The following EVA1A variants were observed in gnomAD, a reference collection of about 807,000 sequenced individuals.
The protein encoded by EVA1A is protein eva-1 homolog A.
EVA1A carries 7 observed loss-of-function variants against 9.8 expected under a neutral mutation model. The ratio of observed to expected loss-of-function variants is 0.71; its 90% confidence interval spans 0.41 to 1.34. The LOEUF (loss-of-function observed/expected upper bound fraction) is 1.34. EVA1A is among the 40% of genes most tolerant of loss of function. The pLI is 0.01. For synonymous variants in EVA1A, 90 were observed against 85.6 expected (o/e 1.05, Z -0.28); for missense variants, 206 against 205.9 (o/e 1.00, Z 0.00).
chr2:75,563,444 A>G (rs549389974), upstream of EVA1A, among the ~76,000 whole-genome samples: 5 of 152,222 alleles, frequency 3.3e-5, no homozygotes, highest in East Asian at 7.7e-4. Flanking sequence ...TTGGAAAGGA[A>G]CCCCTCAAAG....
chr2:75,560,170 T>C (rs1158360663), intron 1 of EVA1A, among the ~76,000 whole-genome samples: 1 of 152,014 alleles, frequency 6.6e-6, no homozygotes, highest in Non-Finnish European at 1.5e-5. Flanking sequence ...TTTCACTCCC[T>C]GATGCACTCG....
upstream of EVA1A, among the ~76,000 whole-genome samples, chr2:75,561,561 G>C (rs566699903): frequency 1.3e-5 from 2 of 152,140 alleles, no homozygotes; most frequent in African/African-American, 4.8e-5. Flanking sequence ...CTGGGGGCTG[G>C]AAACGCAGAA....
chr2:75,540,337 A>T (rs1007364983), intron 1 of EVA1A, among the ~76,000 whole-genome samples: 1 of 152,256 alleles, frequency 6.6e-6, no homozygotes, highest in Non-Finnish European at 1.5e-5. Flanking sequence ...ATCATTTCCT[A>T]TCTGAATAGA....
At chr2:75,535,496 T>C (rs1675849230) in intron 1 of EVA1A, among the ~76,000 whole-genome samples, 1 of 152,204 alleles carries the variant, frequency 6.6e-6, no homozygotes, top group African/African-American at 2.4e-5. Flanking sequence ...CACATATGTT[T>C]ACTGCAGCAC....
At chr2:75,502,989 C>T (rs887715164) in intron 3 of EVA1A, among the ~76,000 whole-genome samples, 4 of 152,224 alleles carry the variant, frequency 2.6e-5, no homozygotes, top group African/African-American at 9.6e-5. Flanking sequence ...TGAACTCCAT[C>T]TTGGAAACCA....
intron 1 of EVA1A, among the ~76,000 whole-genome samples, chr2:75,523,345 T>C (rs1350519084): frequency 6.6e-6 from 1 of 152,190 alleles, no homozygotes; most frequent in Non-Finnish European, 1.5e-5. Context: ...AGTGCAGAAG[T>C]AGGTCTTTGA....
intron 1 of EVA1A, among the ~76,000 whole-genome samples, chr2:75,540,047 T>G (rs546770400): frequency 6.6e-6 from 1 of 152,314 alleles, no homozygotes; most frequent in South Asian, 2.1e-4. Context: ...GTTTCCTCTT[T>G]TCACTACCTT....
In EVA1A at chr2:75,538,404, G is replaced by C. The variant is rs548103208; in HGVS notation, c.-191-15917C>G. ...CCATATACTAAGAGTGAACACTAAAGTTAAAAAATACAACACCATTTACTG... is the reference window on the plus strand; with the variant it reads ...CCATATACTAAGAGTGAACACTAAACTTAAAAAATACAACACCATTTACTG... On this transcript the variant is annotated intron_variant, in intron 1 of 3. Transcript: ENST00000393913. Among the ~76,000 whole-genome samples the C allele has an allele frequency of 5.3e-5, 8 of 152,296 alleles. No homozygotes were observed. The South Asian group carries it at 1.2e-3, about 24-fold the overall frequency.
chr2:75,494,227 C>G (rs1483560110), intron 3 of EVA1A, among the ~76,000 whole-genome samples: 1 of 152,058 alleles, frequency 6.6e-6, no homozygotes, highest in African/African-American at 2.4e-5. Context: ...ACATTATTTG[C>G]GAGATGAGAA....
intron 1 of EVA1A, among the ~76,000 whole-genome samples, chr2:75,567,362 C>T (rs184423158): frequency 1.3e-5 from 2 of 152,286 alleles, no homozygotes; most frequent in Admixed American, 1.3e-4. Flanking sequence ...AACCTCATAG[C>T]ATACCTGAAC....
chr2:75,522,671 A>C (rs1675274484), intron 1 of EVA1A, among the ~76,000 whole-genome samples, 184 bp from the exon 2 acceptor site: 1 of 152,204 alleles, frequency 6.6e-6, no homozygotes, highest in African/African-American at 2.4e-5. Flanking sequence ...CTGGAATTTG[A>C]ACTAGACAGC....
chr2:75,493,464 G>T lies in EVA1A; in HGVS notation c.231C>A (p.Ser77Arg). The T allele has an allele frequency of 1.9e-6, 3 of 1,614,220 alleles. No individual in the cohort carries two copies. The highest frequency in any genetic ancestry group is 2.5e-6 in the Non-Finnish European group (3 of 1,180,040). Residue 77 changes from serine to arginine, a missense_variant, in exon 4 of 4, where the codon AGC becomes AGA. Physicochemically the swap from Ser to Arg is moderately radical, Grantham distance 110. Transcript: ENST00000393913. ...PGKKFLQDRE[S>R]SSDSSDSEDG... The stretch of plus-strand genomic sequence containing the variant: ...CCTCGCTGTCGCTGCTGTCGCTGCT[G>T]CTCTCTCTGTCCTGCAGGAACTTCT...
upstream of EVA1A, among the ~76,000 whole-genome samples, chr2:75,562,101 T>A (rs1676937767): frequency 6.6e-6 from 1 of 152,188 alleles, no homozygotes; most frequent in African/African-American, 2.4e-5. Context: ...TGGATTAGTA[T>A]CTGCAGCTTA....
chr2:75,497,142 C>T (rs1162359814), intron 3 of EVA1A, among the ~76,000 whole-genome samples: 4 of 152,126 alleles, frequency 2.6e-5, no homozygotes, highest in Admixed American at 6.6e-5. Flanking sequence ...GAATTTATGA[C>T]CAAGTCTCCA....
At chr2:75,538,883 A>G (rs1467126447) in intron 1 of EVA1A, among the ~76,000 whole-genome samples, 1 of 152,214 alleles carries the variant, frequency 6.6e-6, no homozygotes, top group African/African-American at 2.4e-5. Flanking sequence ...AAAAACGGCA[A>G]CATGAGAAAT....
intron 1 of EVA1A, among the ~76,000 whole-genome samples, chr2:75,531,114 A>G (rs1675633094): frequency 6.6e-6 from 1 of 152,258 alleles, no homozygotes; most frequent in African/African-American, 2.4e-5. Context: ...ACAGTGACTA[A>G]GCTGAGAATC....
intron 3 of EVA1A, among the ~76,000 whole-genome samples, chr2:75,512,038 A>G (rs538654603): frequency 6.6e-6 from 1 of 152,212 alleles, no homozygotes; most frequent in South Asian, 2.1e-4. Flanking sequence ...TTAAAATTTT[A>G]TGGGTACATA....
chr2:75,564,397 G>A (rs1333924083), upstream of EVA1A, among the ~76,000 whole-genome samples: 2 of 152,220 alleles, frequency 1.3e-5, no homozygotes, highest in Non-Finnish European at 2.9e-5. Context: ...CTCGGCCCAA[G>A]GCTGATAGCT....
intron 2 of EVA1A, among the ~76,000 whole-genome samples, chr2:75,520,548 T>C (rs770044856): frequency 2.6e-5 from 4 of 152,144 alleles, no homozygotes; most frequent in Non-Finnish European, 4.4e-5. Context: ...CTTACATATA[T>C]ATATGTTCAA....
Sources: allele counts gnomAD v4.1 joint callset (sites outside exome capture counted in the v4.1 genomes callset), GRCh38; gene constraint gnomAD v4.1.1; transcripts MANE v1.5; gene names NCBI Gene and HGNC (gene_info 2026-07-23, HGNC 2026-07-21).